Variants in UTP20 observed in about 807,000 individuals in gnomAD.
The protein encoded by UTP20 is small subunit processome component 20 homolog.
A neutral mutation model predicts 329.5 loss-of-function variants in UTP20; 164 were observed. That is an observed-to-expected ratio of 0.50 (90% CI 0.44 to 0.57). UTP20 has a LOEUF of 0.57. UTP20 is among the 20% of genes least tolerant of loss of function. The pLI, the probability that UTP20 is intolerant of heterozygous loss-of-function variation, is 0.00. For missense variants in UTP20, 3,055 were observed against 3,284.2 expected (o/e 0.93, Z 1.71); for synonymous variants, 1,151 against 1,159.3 (o/e 0.99, Z 0.14).
chr12:101,379,597 G>C (rs144386315), intron 57 of UTP20, 39 bp downstream of exon 57: 1 of 1,572,668 alleles, frequency 6.4e-7, no homozygotes, highest in Non-Finnish European at 8.6e-7. Flanking sequence ...CCTCGTGACT[G>C]TAAGATGTTC....
rs1317813459 is a variant in UTP20, at chr12:101,299,715, G to C, written c.1464G>C (p.Lys488Asn). Residue 488 changes from lysine to asparagine, a missense_variant, in exon 13 of 62, where the codon AAG (lysine) becomes AAC (asparagine). This residue lies in a region of UTP20 where 2,445 missense variants were observed against 2,575.5 expected (regional missense o/e 0.95). Coordinates refer to ENST00000261637, the MANE Select transcript of UTP20 (RefSeq NM_014503.3). ...TAAAGCAGAAGAAGACTAGATCCAA[G>C]GGAAGAAACGAACAGTTTCCAGTAT... Reference protein sequence around the residue: ...FYIKQKKTRSKGRNEQFPVLD... With the variant: ...FYIKQKKTRSNGRNEQFPVLD... 6.2e-7 allele frequency: 1 copy of C among 1,601,114 alleles called. No homozygotes were observed. Among genetic ancestry groups the C allele is most frequent in the Non-Finnish European group, 8.5e-7 (1 of 1,176,596 alleles).
intron 3 of UTP20, 44 bp from the exon 4 acceptor site, chr12:101,285,705 A>G (rs761414013): frequency 1.9e-6 from 3 of 1,613,286 alleles, no homozygotes. Flanking sequence ...ACAGCTGAAT[A>G]GTGGTGTGAT....
At chr12:101,350,516 T>G (rs1869481487) in intron 38 of UTP20, among the ~76,000 whole-genome samples, 1 of 152,080 alleles carries the variant, frequency 6.6e-6, no homozygotes, top group Non-Finnish European at 1.5e-5. Context: ...TTGGGTACAT[T>G]TGGATGTCTT....
At position 101,385,956 on chromosome 12, in the gene UTP20, T is replaced by C. The variant is rs756969560; in HGVS notation, c.8203-12T>C. On this transcript the variant is annotated splice_polypyrimidine_tract_variant and intron_variant, in intron 61 of 61. Transcript: ENST00000261637. The stretch of plus-strand genomic sequence containing the variant: ...TTTAAAAGTAATATAAAATTTCTAT[T>C]CTCTTTTCCAGTTTGTAACTAATCC... The C allele has an allele frequency of 6.5e-7, 1 of 1,543,958 alleles. No individual in the cohort carries two copies. The highest frequency in any genetic ancestry group is 8.8e-7 in the Non-Finnish European group (1 of 1,141,552).
At chr12:101,345,718 C>G (rs1869301166) in intron 37 of UTP20, 24 bp downstream of exon 37, 1 of 1,593,120 alleles carries the variant, frequency 6.3e-7, no homozygotes, top group African/African-American at 1.4e-5. Context: ...CTGCTTTTTC[C>G]TACCTACGAC....
At chr12:101,319,949 A>G (rs1257283794) in intron 23 of UTP20, among the ~76,000 whole-genome samples, 3 of 152,200 alleles carry the variant, frequency 2.0e-5, no homozygotes, top group Admixed American at 2.0e-4. Flanking sequence ...TTTATACAAA[A>G]AAACAAGTGA....
At chr12:101,347,664 A>T (rs934161559) in intron 38 of UTP20, among the ~76,000 whole-genome samples, 1 of 152,214 alleles carries the variant, frequency 6.6e-6, no homozygotes, top group Non-Finnish European at 1.5e-5. Context: ...TTGTTTCAGG[A>T]TATTCAAAAT....
At chr12:101,381,532 T>C (rs1280359148) in intron 58 of UTP20, among the ~76,000 whole-genome samples, 1 of 152,122 alleles carries the variant, frequency 6.6e-6, no homozygotes, top group Non-Finnish European at 1.5e-5. Context: ...CGAGACTCCG[T>C]CTCAGAAATA....
rs138765948 is a variant in UTP20, at chr12:101,338,176, T to C, written c.3767T>C (p.Val1256Ala). ...ACAGCCAGTATTGTAATGGACATAG[T>C]TGATGACCTTCTTAACCTTCCAGAT... ...DATASIVMDI[V>A]DDLLNLPDFE... is the part of the protein sequence containing the mutation. The change falls in exon 30 of 62, where the codon GTT (valine) becomes GCT (alanine). Residue 1256 changes from valine to alanine, a missense_variant. By Grantham distance (64) the Val-to-Ala change is moderately conservative. Transcript: ENST00000261637. 1.6e-4 allele frequency: 255 copies of C among 1,614,054 alleles called. No individual in the cohort carries two copies. The highest frequency in any genetic ancestry group is 2.0e-4 in the Non-Finnish European group (235 of 1,180,022).
rs1027260419 is a variant in UTP20, at chr12:101,367,116, CA to C, written c.6267+426del. Among the ~76,000 whole-genome samples the C allele has an allele frequency of 7.9e-5, 12 of 151,058 alleles. No individual in the cohort carries two copies. In the East Asian group the frequency reaches 9.8e-4, roughly 12 times the overall value. On this transcript the variant is annotated intron_variant, in intron 47 of 61. Transcript: ENST00000261637. The stretch of plus-strand genomic sequence containing the variant: ...GCAACATAGCAAGACTCTATCTCTA[CA>C]AAAAAAAATTTTTTTTAATTAGCCA...
chr12:101,353,075 C>A lies in UTP20; in HGVS notation c.5053C>A (p.His1685Asn). Reference sequence around the variant, plus strand: ...GCTAGTAATAGTGTTAGAAGCATTCCACTTTGACCACAAAACTCTTGAAGA... The same window carrying A: ...GCTAGTAATAGTGTTAGAAGCATTCAACTTTGACCACAAAACTCTTGAAGA... ...SLLVIVLEAF[H>N]FDHKTLEEQM... is the part of the protein sequence containing the mutation. Residue 1685 changes from histidine (H) to asparagine (N), a missense_variant, in exon 40 of 62, where the codon CAC (histidine) becomes AAC (asparagine). Around this residue, in one of 3 missense-constraint regions of UTP20, gnomAD observed 2,445 missense variants for 2,575.5 expected, o/e 0.95. Transcript: ENST00000261637. 1 of 1,590,940 alleles carries A rather than the reference C, an allele frequency of 6.3e-7. No individual in the cohort carries two copies. The highest frequency in any genetic ancestry group is 8.6e-7 in the Non-Finnish European group (1 of 1,165,496).
At position 101,309,110 on chromosome 12, in the gene UTP20, C is replaced by A. The variant is rs902268224; in HGVS notation, c.2155-653C>A. Reference sequence around the variant, plus strand: ...ATCACAGACCTCTTTGGGAGTAAGGCCAAAAGGAGGCATTCTCCCTTCAGT... The same window carrying A: ...ATCACAGACCTCTTTGGGAGTAAGGACAAAAGGAGGCATTCTCCCTTCAGT... On this transcript the variant is annotated intron_variant, in intron 18 of 61. Coordinates refer to ENST00000261637, the MANE Select transcript of UTP20 (RefSeq NM_014503.3). Among the ~76,000 whole-genome samples the A allele has an allele frequency of 6.6e-5, 10 of 152,206 alleles. No individual in the cohort carries two copies. In the East Asian group the frequency reaches 9.7e-4, roughly 15 times the overall value.
chr12:101,327,390 C>A, intron 26 of UTP20, 143 bp downstream of exon 26: 2 of 829,136 alleles, frequency 2.4e-6, no homozygotes, highest in Non-Finnish European at 3.4e-6. Context: ...TGCTGAAGTG[C>A]AACTCATTTT....
Position 101,383,619 on chromosome 12 carries a change from T to A in UTP20, c.8006T>A (p.Met2669Lys), listed in dbSNP as rs776859795. The change falls in exon 60 of 62, where the codon ATG becomes AAG. Residue 2669 changes from methionine to lysine, a missense_variant. By Grantham distance (95) the Met-to-Lys change is moderately conservative. Transcript: ENST00000261637. Reference sequence around the variant, plus strand: ...GACAAGGTAAAGCCGTATCTCCCAATGATCATAGCTCCTTTGTTTCGGGAA... The same window carrying A: ...GACAAGGTAAAGCCGTATCTCCCAAAGATCATAGCTCCTTTGTTTCGGGAA... Reference protein sequence around the residue: ...GIDKVKPYLPMIIAPLFRELN... With the variant: ...GIDKVKPYLPKIIAPLFRELN... The A allele has an allele frequency of 5.0e-6, 8 of 1,613,820 alleles. No individual in the cohort carries two copies. The Admixed American group carries it at 1.3e-4, about 27-fold the overall frequency.
intron 8 of UTP20, 154 bp downstream of exon 8, chr12:101,291,042 C>T (rs945807628): frequency 1.9e-5 from 13 of 680,742 alleles, no homozygotes; most frequent in Non-Finnish European, 2.8e-5. Flanking sequence ...TCCCTCTGCC[C>T]CCCTGTGCTA....
intron 5 of UTP20, among the ~76,000 whole-genome samples, chr12:101,286,727 C>T (rs1202026340): frequency 3.3e-5 from 5 of 151,916 alleles, no homozygotes; most frequent in African/African-American, 1.2e-4. Context: ...CCAAGAAGGC[C>T]TGACTCGGTC....
At chr12:101,312,900 G>T (rs368337436) in intron 21 of UTP20, among the ~76,000 whole-genome samples, 26 of 152,070 alleles carry the variant, frequency 1.7e-4, no homozygotes, top group East Asian at 1.2e-3. Context: ...AAAAAATTCC[G>T]GGTTACAGTA....
At chr12:101,308,779 C>A (rs1305645475) in intron 18 of UTP20, among the ~76,000 whole-genome samples, 1 of 149,704 alleles carries the variant, frequency 6.7e-6, no homozygotes, top group African/African-American at 2.5e-5. Flanking sequence ...GTCACCCAGG[C>A]TGGAGTGCAG....
chr12:101,280,123 C>T lies in UTP20; in HGVS notation c.-160C>T, dbSNP rs539838913. 30 of 908,302 alleles carry T rather than the reference C, an allele frequency of 3.3e-5. No homozygotes were observed. In the African/African-American group the frequency reaches 4.3e-4, roughly 13 times the overall value. The allele number at this position is 908,302 out of a possible 1,614,324, so 56.3% of individuals were successfully genotyped here. ...GTGACCCACTCAGGCTCCTCCTTGTCTCCAACATGGCGGCGCCCAGGGGCT... is the reference window on the plus strand; with the variant it reads ...GTGACCCACTCAGGCTCCTCCTTGTTTCCAACATGGCGGCGCCCAGGGGCT... On this transcript the variant is annotated 5_prime_UTR_variant, in exon 1 of 62. Coordinates refer to ENST00000261637, the MANE Select transcript of UTP20 (RefSeq NM_014503.3).
Sources: allele counts gnomAD v4.1 joint callset (sites outside exome capture counted in the v4.1 genomes callset), GRCh38; gene constraint gnomAD v4.1.1; regional missense constraint gnomAD v4.1.1; transcripts MANE v1.5; gene names NCBI Gene and HGNC (gene_info 2026-07-23, HGNC 2026-07-21).